The following XKR6 variants were observed in gnomAD, a reference collection of about 807,000 sequenced individuals.
The protein encoded by XKR6 is XK related 6.
Under a neutral mutation model 56.7 loss-of-function variants are expected in XKR6, and 22 were observed. The ratio of observed to expected loss-of-function variants is 0.39; its 90% CI spans 0.28 to 0.55. The LOEUF (loss-of-function observed/expected upper bound fraction) is 0.55, where lower values mean the gene tolerates loss of function less well. Among genes scored for constraint, XKR6 ranks in the 20% least tolerant of loss-of-function variants. The probability of loss-of-function intolerance (pLI) is 0.66; values close to 1 mark genes in which losing one functional copy is unlikely to be tolerated. For synonymous variants in XKR6, 524 were observed against 387.8 expected, an observed-to-expected ratio of 1.35 and a Z score of -4.13; for missense variants, 852 against 889.0, an observed-to-expected ratio of 0.96 and a Z score of 0.53.
At chr8:10,974,090 G>A (rs1304227929) in intron 1 of XKR6, among the ~76,000 whole-genome samples, 2 of 152,206 alleles carry the variant, frequency 1.3e-5, no homozygotes, top group African/African-American at 4.8e-5. Flanking sequence ...CATTGGTCCA[G>A]TGATCTCTTG....
intron 1 of XKR6, among the ~76,000 whole-genome samples, chr8:11,091,454 A>AATAAATAAATAAATAAATAAATAAATAG (rs2129172829): frequency 6.6e-6 from 1 of 151,892 alleles, no homozygotes; most frequent in South Asian, 2.1e-4. Context: ...TAAATAAATA[A>AATAAATAAATAAATAAATAAATAAATAG]ATAGATAGAT....
chr8:11,173,418 T>C (rs1037029512), intron 1 of XKR6, among the ~76,000 whole-genome samples: 10 of 149,966 alleles, frequency 6.7e-5, no homozygotes, highest in Admixed American at 3.3e-4. Context: ...TACATATACA[T>C]ATATATATAT....
intron 1 of XKR6, among the ~76,000 whole-genome samples, chr8:11,028,163 T>C (rs1398428384): frequency 2.6e-5 from 4 of 152,228 alleles, no homozygotes; most frequent in East Asian, 1.9e-4. Context: ...AGATATTTAC[T>C]CTCTTTATAG....
At chr8:10,920,573 C>G (rs1800680357) in intron 2 of XKR6, among the ~76,000 whole-genome samples, 1 of 152,240 alleles carries the variant, frequency 6.6e-6, no homozygotes, top group African/African-American at 2.4e-5. Context: ...CTTCCAATTT[C>G]TGATGACTAA....
At chr8:10,976,600 A>G (rs1802568795) in intron 1 of XKR6, among the ~76,000 whole-genome samples, 1 of 152,210 alleles carries the variant, frequency 6.6e-6, no homozygotes, top group South Asian at 2.1e-4. Flanking sequence ...TGGTCACAGG[A>G]GGGTGAGAAA....
intron 1 of XKR6, among the ~76,000 whole-genome samples, chr8:10,994,593 A>G: frequency 6.6e-6 from 1 of 152,210 alleles, no homozygotes; most frequent in East Asian, 1.9e-4. Context: ...AGTTGGGAGT[A>G]ACCTGTGTGT....
chr8:11,183,186 A>C (rs1468097432), intron 1 of XKR6, among the ~76,000 whole-genome samples: 1 of 152,176 alleles, frequency 6.6e-6, no homozygotes, highest in Non-Finnish European at 1.5e-5. Flanking sequence ...CTGTACAAAT[A>C]TCTCCTTGAG....
At chr8:11,076,310 C>T (rs902670384) in intron 1 of XKR6, among the ~76,000 whole-genome samples, 1 of 152,138 alleles carries the variant, frequency 6.6e-6, no homozygotes, top group African/African-American at 2.4e-5. Context: ...GATGGTTGCA[C>T]AACAAGGTGA....
intron 1 of XKR6, among the ~76,000 whole-genome samples, chr8:11,115,272 C>G (rs1799118950): frequency 3.3e-5 from 5 of 152,176 alleles, no homozygotes. Context: ...TTAATTCTTT[C>G]TCATTTGGAG....
At chr8:11,150,197 G>C (rs928260510) in intron 1 of XKR6, among the ~76,000 whole-genome samples, 3 of 151,806 alleles carry the variant, frequency 2.0e-5, no homozygotes, top group African/African-American at 7.3e-5. Context: ...TAACAACAAT[G>C]TTTTGTGTAT....
chr8:11,127,085 A>G (rs1356391569), intron 1 of XKR6, among the ~76,000 whole-genome samples: 1 of 152,202 alleles, frequency 6.6e-6, no homozygotes, highest in Non-Finnish European at 1.5e-5. Flanking sequence ...TAGAGTACTA[A>G]GGGTACTCTA....
intron 1 of XKR6, among the ~76,000 whole-genome samples, chr8:10,958,085 G>A (rs1436516308): frequency 1.3e-5 from 2 of 152,200 alleles, no homozygotes; most frequent in Non-Finnish European, 1.5e-5. Flanking sequence ...CCCTCTCTGG[G>A]CCTCAGTTTC....
At chr8:11,100,903 C>G (rs1798448657) in intron 1 of XKR6, among the ~76,000 whole-genome samples, 1 of 152,206 alleles carries the variant, frequency 6.6e-6, no homozygotes, top group Admixed American at 6.5e-5. Flanking sequence ...TGGGAAGGTG[C>G]TGCCGGGGGC....
intron 1 of XKR6, among the ~76,000 whole-genome samples, chr8:10,968,909 A>C (rs1802314307): frequency 1.3e-5 from 2 of 152,268 alleles, no homozygotes; most frequent in East Asian, 3.8e-4. Flanking sequence ...TCTCAGTAAC[A>C]GGAGTGGCTA....
chr8:10,989,582 C>G (rs7003506), intron 1 of XKR6, among the ~76,000 whole-genome samples: 16 of 151,446 alleles, frequency 1.1e-4, no homozygotes, highest in African/African-American at 3.9e-4. Context: ...TGGGTTTCAA[C>G]TGATGAACAG....
chr8:11,016,088 C>T (rs1452675506), intron 1 of XKR6, among the ~76,000 whole-genome samples: 5 of 152,208 alleles, frequency 3.3e-5, no homozygotes, highest in Admixed American at 3.3e-4. Flanking sequence ...CCGAGCTCGC[C>T]AGTCCTTCCC....
rs1802669365 is a variant in XKR6 at position 11,176,609 on chromosome 8, CA to C, written c.764+23966del. ...CTGCTCCACAGCATTCCTCATCCCC[CA>C]AAATTTTAAGACTACTCAAGTACAG... On this transcript the variant is annotated intron_variant, in intron 1 of 2. Transcript: ENST00000416569. Among the ~76,000 whole-genome samples the C allele has an allele frequency of 3.3e-5, 5 of 152,184 alleles. No homozygotes were observed. The South Asian group carries it at 1.0e-3, about 32-fold the overall frequency.
chr8:11,129,368 A>C (rs1162178197), intron 1 of XKR6, among the ~76,000 whole-genome samples: 1 of 152,208 alleles, frequency 6.6e-6, no homozygotes, highest in Non-Finnish European at 1.5e-5. Context: ...TCAGGTACTT[A>C]AGAGATTTTT....
chr8:10,917,711 G>T (rs1301688532), intron 2 of XKR6, among the ~76,000 whole-genome samples: 1 of 152,084 alleles, frequency 6.6e-6, no homozygotes, highest in African/African-American at 2.4e-5. Flanking sequence ...TGATTTTTCA[G>T]GGCCAGAGAG....
Sources: allele counts gnomAD v4.1 joint callset (sites outside exome capture counted in the v4.1 genomes callset), GRCh38; gene constraint gnomAD v4.1.1; transcripts MANE v1.5; gene names NCBI Gene and HGNC (gene_info 2026-07-23, HGNC 2026-07-21).